The following HADHA variants were observed in gnomAD, a reference collection of about 807,000 sequenced individuals.
HADHA encodes trifunctional enzyme subunit alpha, mitochondrial.
In HADHA, 59 loss-of-function variants were observed where a neutral mutation model predicts 91.3. The observed-to-expected ratio is 0.65, with a 90% CI of 0.52 to 0.80. The LOEUF is 0.80. HADHA is among the 30% of genes least tolerant of loss of function. The pLI is 0.00. For missense variants in HADHA, 800 were observed against 927.6 expected (o/e 0.86, Z 1.79); for synonymous variants, 320 against 338.9 (o/e 0.94, Z 0.61).
chr2:26,221,066 C>T lies in HADHA; in HGVS notation c.677-5891G>A, dbSNP rs1370093491. Reference sequence around the variant, plus strand: ...GGGTAAGTGTTGCACGTGGCCCCTCCTACCACAAAAAAACACGGAGAACAC... The same window carrying T: ...GGGTAAGTGTTGCACGTGGCCCCTCTTACCACAAAAAAACACGGAGAACAC... On this transcript the variant is annotated intron_variant, in intron 7 of 19. Coordinates refer to ENST00000380649, the MANE Select transcript of HADHA (RefSeq NM_000182.5). The surrounding 1 kb of genome is among the most constrained non-coding windows in gnomAD (Gnocchi z 4.8). 6.6e-6 allele frequency among the ~76,000 whole-genome samples: 1 copy of T among 152,114 alleles called. No homozygotes were observed. The highest frequency in any genetic ancestry group is 1.5e-5 in the Non-Finnish European group (1 of 68,012).
chr2:26,239,143 C>T lies in HADHA; in HGVS notation c.68G>A (p.Gly23Asp). The T allele has an allele frequency of 1.3e-6, 2 of 1,596,542 alleles. No individual in the cohort carries two copies. Residue 23 changes from glycine to aspartate, a missense_variant and splice_region_variant, in exon 2 of 20, where the codon GGT becomes GAT. Physicochemically the swap from Gly to Asp is moderately conservative, Grantham distance 94. Coordinates refer to ENST00000380649, the MANE Select transcript of HADHA (RefSeq NM_000182.5). Reference protein sequence around the residue: ...FSAFRILRSRGYICRNFTGSS... With the variant: ...FSAFRILRSRDYICRNFTGSS... ...CCCTGTAAAATTGCGGCATATATAA[C>T]CTGTAAGAAAAGACATTTCAAAATT...
At chr2:26,238,890 C>A (rs767035859) in intron 3 of HADHA, 44 bp downstream of exon 3, 2 of 1,138,736 alleles carry the variant, frequency 1.8e-6, no homozygotes, top group Non-Finnish European at 2.7e-6. Flanking sequence ...GGACTAGATT[C>A]ATAATGCGGT....
At chr2:26,220,384 C>T (rs957370083) in intron 7 of HADHA, among the ~76,000 whole-genome samples, 3 of 152,176 alleles carry the variant, frequency 2.0e-5, no homozygotes, top group African/African-American at 7.2e-5. Context: ...CTGCCTCTAC[C>T]TAGAAAAGAG....
In HADHA at chr2:26,191,032, G is replaced by A. The variant is rs1574599721; in HGVS notation, c.*218C>T. The A allele has an allele frequency of 1.6e-6, 1 of 629,900 alleles. No individual in the cohort carries two copies. The highest frequency in any genetic ancestry group is 1.8e-5 in the African/African-American group (1 of 55,488). The allele number at this position is 629,900 out of a possible 1,614,324, so 39.0% of individuals were successfully genotyped here. On this transcript the variant is annotated 3_prime_UTR_variant, in exon 20 of 20. Transcript: ENST00000380649. ...CCTCGGGGCTTATACAATGAGCAGT[G>A]GGCTCTACCTTCCAACAGGAAGTGC...
At chr2:26,233,198 GCTATGGC>G (rs1670667358) in intron 5 of HADHA, among the ~76,000 whole-genome samples, 1 of 152,126 alleles carries the variant, frequency 6.6e-6, no homozygotes, top group African/African-American at 2.4e-5. Flanking sequence ...TTCCTAACAG[GCTATGGC>G]CTGGGAACTG....
Position 26,198,185 on chromosome 2 carries a change from T to C in HADHA, c.1393-408A>G, listed in dbSNP as rs147289525. The stretch of plus-strand genomic sequence containing the variant: ...CCTGAATCACTCCCCGCTTCACCTT[T>C]ATAAGAACAAGCCAAAATGTGCATG... On this transcript the variant is annotated intron_variant, in intron 13 of 19. Coordinates refer to ENST00000380649, the MANE Select transcript of HADHA (RefSeq NM_000182.5). Among the ~76,000 whole-genome samples, 61 of 152,306 alleles carry C rather than the reference T, an allele frequency of 4.0e-4. No homozygotes were observed. The East Asian group carries it at 0.011, about 27-fold the overall frequency.
chr2:26,224,217 G>A (rs1670437354), intron 7 of HADHA, among the ~76,000 whole-genome samples: 1 of 152,192 alleles, frequency 6.6e-6, no homozygotes, highest in Non-Finnish European at 1.5e-5. Context: ...GGGGAAAACG[G>A]TACTGGGGGG....
chr2:26,239,485 T>C (rs894261618), intron 1 of HADHA, among the ~76,000 whole-genome samples: 2 of 151,984 alleles, frequency 1.3e-5, no homozygotes, highest in Non-Finnish European at 2.9e-5. Flanking sequence ...CCCAGTGTAA[T>C]CACAAAAGGG....
At chr2:26,213,813 T>C (rs1252920390) in intron 9 of HADHA, among the ~76,000 whole-genome samples, 1 of 152,236 alleles carries the variant, frequency 6.6e-6, no homozygotes, top group Non-Finnish European at 1.5e-5. Flanking sequence ...TCATATTTTA[T>C]GTGCTTTGGT....
intron 13 of HADHA, among the ~76,000 whole-genome samples, chr2:26,200,723 A>G (rs1030854106): frequency 1.5e-5 from 2 of 137,042 alleles, no homozygotes; most frequent in East Asian, 4.4e-4. Flanking sequence ...TTAACGTTTG[A>G]TAACAAAAAG....
intron 1 of HADHA, chr2:26,243,056 A>G (rs1280338205): frequency 1.3e-5 from 2 of 152,248 alleles, no homozygotes; most frequent in Admixed American, 1.3e-4. Flanking sequence ...CGGCCCAAAC[A>G]ATGTTTATTA....
intron 14 of HADHA, among the ~76,000 whole-genome samples, chr2:26,197,313 C>T (rs1325419418): frequency 6.6e-6 from 1 of 152,204 alleles, no homozygotes; most frequent in Non-Finnish European, 1.5e-5. Flanking sequence ...CCATTCCTGC[C>T]ATTCCCTGAT....
chr2:26,202,763 G>C (rs1414673789), intron 12 of HADHA, among the ~76,000 whole-genome samples: 2 of 152,096 alleles, frequency 1.3e-5, no homozygotes, highest in East Asian at 1.9e-4. Context: ...CATCAAATAA[G>C]GTCTTAAAAG....
Position 26,239,132 on chromosome 2 carries a change from G to A in HADHA, c.79C>T (p.Arg27Cys), listed in dbSNP as rs143832445. 81 of 1,604,130 alleles carry A rather than the reference G, an allele frequency of 5.0e-5. No homozygotes were observed. In the African/African-American group the frequency reaches 8.6e-4, roughly 17 times the overall value. ...AAAGCAGAAGACCCTGTAAAATTGC[G>A]GCATATATAACCTGTAAGAAAAGAC... The part of the protein sequence containing the change: ...RILRSRGYIC[R>C]NFTGSSALLT... Residue 27 changes from arginine to cysteine, a missense_variant, in exon 2 of 20, where the codon CGC (arginine) becomes TGC (cysteine). Physicochemically the swap from Arg to Cys is radical, Grantham distance 180 (BLOSUM62 -3). Transcript: ENST00000380649.
intron 14 of HADHA, 71 bp from the exon 15 acceptor site, chr2:26,195,303 C>G (rs564993526): frequency 3.9e-6 from 5 of 1,266,208 alleles, no homozygotes; most frequent in Non-Finnish European, 5.8e-6. Context: ...TCCTTCTCTG[C>G]TAGGAAAACA....
At position 26,210,785 on chromosome 2, in the gene HADHA, C is replaced by T. The variant is rs1223366358; in HGVS notation, c.976-896G>A. ...TAGGATTTGACAGATCCTGTCTCTG[C>T]CACTGCCCCATTGTGAAGCTTTCTT... On this transcript the variant is annotated intron_variant, in intron 10 of 19. Transcript: ENST00000380649. The surrounding 1 kb of genome is among the most constrained non-coding windows in gnomAD (Gnocchi z 4.0). 1 of 152,162 alleles carries T rather than the reference C, an allele frequency of 6.6e-6. No individual in the cohort carries two copies. Among genetic ancestry groups the T allele is most frequent in the African/African-American group, 2.4e-5 (1 of 41,412 alleles). The allele number at this position is 152,162 out of a possible 1,614,324, so 9.4% of individuals were successfully genotyped here.
chr2:26,207,255 G>A (rs1669993286), intron 11 of HADHA, among the ~76,000 whole-genome samples: 1 of 148,062 alleles, frequency 6.8e-6, no homozygotes, highest in African/African-American at 2.5e-5. Flanking sequence ...ACACAAAAGA[G>A]TATCTTATAA....
intron 3 of HADHA, among the ~76,000 whole-genome samples, chr2:26,238,173 ATTT>A (rs1214247650): frequency 6.6e-6 from 1 of 151,990 alleles, no homozygotes; most frequent in Non-Finnish European, 1.5e-5. Flanking sequence ...ATACCCAACT[ATTT>A]TTTATTTTTT....
chr2:26,226,784 C>G (rs1365926601), intron 7 of HADHA, among the ~76,000 whole-genome samples: 1 of 152,094 alleles, frequency 6.6e-6, no homozygotes, highest in African/African-American at 2.4e-5. Flanking sequence ...AGATCCCACA[C>G]TAATAGCATG....
Sources: allele counts gnomAD v4.1 joint callset (sites outside exome capture counted in the v4.1 genomes callset), GRCh38; gene constraint gnomAD v4.1.1; non-coding constraint Gnocchi (gnomAD v3.1); transcripts MANE v1.5; gene names NCBI Gene and HGNC (gene_info 2026-07-23, HGNC 2026-07-21).